Variants in KIRREL1 observed in about 807,000 individuals in gnomAD.
The protein encoded by KIRREL1 is kirre like nephrin family adhesion molecule 1.
KIRREL1 carries 25 observed loss-of-function variants against 83.3 expected under a neutral mutation model. That is an observed-to-expected ratio of 0.30 (90% CI 0.22 to 0.42). The LOEUF (loss-of-function observed/expected upper bound fraction) is 0.42, where lower values mean the gene tolerates loss of function less well. Ranked by LOEUF, KIRREL1 falls within the 10% of genes least tolerant of loss-of-function variation. The probability of loss-of-function intolerance (pLI) is 1.00; values close to 1 mark genes in which losing one functional copy is unlikely to be tolerated. For missense variants in KIRREL1, 812 were observed against 1,032.3 expected, an observed-to-expected ratio of 0.79 and a Z score of 2.92; for synonymous variants, 388 against 410.4, an observed-to-expected ratio of 0.95 and a Z score of 0.66.
At chr1:158,064,525 T>C (rs376919936) in intron 1 of KIRREL1, among the ~76,000 whole-genome samples, 44 of 152,234 alleles carry the variant, frequency 2.9e-4, no homozygotes, top group African/African-American at 1.0e-3. Context: ...GAATCCTAAA[T>C]ATTACCTAGA....
chr1:158,038,207 A>G (rs577933946), intron 1 of KIRREL1, among the ~76,000 whole-genome samples: 10 of 152,302 alleles, frequency 6.6e-5, no homozygotes, highest in African/African-American at 2.2e-4. Flanking sequence ...AGTCCTGTGC[A>G]TTCATCCGTT....
rs185636410 is a variant in KIRREL1, at chr1:158,031,775, G to C, written c.52+38047G>C. Among the ~76,000 whole-genome samples the C allele has an allele frequency of 2.2e-3, 339 of 152,280 alleles. 6 individuals carry two copies. The highest frequency in any genetic ancestry group is 2.1e-3 in the Non-Finnish European group (145 of 68,012). On this transcript the variant is annotated intron_variant, in intron 1 of 14. Transcript: ENST00000359209. Reference sequence around the variant, plus strand: ...CTTGGAGGGATAGATAAAGAAGATTGAAAAGTCTTCTAAAAATGGACAGAT... The same window carrying C: ...CTTGGAGGGATAGATAAAGAAGATTCAAAAGTCTTCTAAAAATGGACAGAT...
Position 157,999,451 on chromosome 1 carries a change from T to A in KIRREL1, c.52+5723T>A, listed in dbSNP as rs549949723. On this transcript the variant is annotated intron_variant, in intron 1 of 14. Transcript: ENST00000359209. ...GTAGGCAGGAGAGTTGTTTCTCCAT[T>A]TAATAGATGAGAAAACAGAGACCTA... 3.3e-5 allele frequency among the ~76,000 whole-genome samples: 5 copies of A among 152,266 alleles called. No homozygotes were observed. The East Asian group carries it at 9.7e-4, about 29-fold the overall frequency.
At chr1:158,047,797 T>C (rs1396725587) in intron 1 of KIRREL1, among the ~76,000 whole-genome samples, 1 of 152,164 alleles carries the variant, frequency 6.6e-6, no homozygotes, top group Non-Finnish European at 1.5e-5. Flanking sequence ...TGTGAAATGC[T>C]GACTATAATT....
At chr1:157,994,868 C>T (rs1189106463) in intron 1 of KIRREL1, among the ~76,000 whole-genome samples, 1 of 152,170 alleles carries the variant, frequency 6.6e-6, no homozygotes, top group East Asian at 1.9e-4. Context: ...AGACAGATTC[C>T]TCCCCCAGAT....
intron 1 of KIRREL1, among the ~76,000 whole-genome samples, chr1:158,037,112 G>A (rs946975885): frequency 6.6e-6 from 1 of 152,198 alleles, no homozygotes; most frequent in Non-Finnish European, 1.5e-5. Context: ...TCCAGATTTG[G>A]AGTCCTGGAC....
In KIRREL1 at chr1:158,096,776, A is replaced by T. The variant is rs958513477; in HGVS notation, c.*1656A>T. 1.3e-5 allele frequency: 6 copies of T among 456,718 alleles called. No homozygotes were observed. The Admixed American group carries it at 1.4e-4, about 11-fold the overall frequency. The allele number at this position is 456,718 out of a possible 1,614,324, so 28.3% of individuals were successfully genotyped here. A position where few individuals can be genotyped will look rare whatever the true frequency, so the allele number is the denominator to read the frequency against. On this transcript the variant is annotated 3_prime_UTR_variant, in exon 15 of 15. Coordinates refer to ENST00000359209, the MANE Select transcript of KIRREL1 (RefSeq NM_018240.7). ...CCCCAGCCTCGCCTTCCTAAAAAGC[A>T]GTGTCTGGAGTTGGCTGTTTCCCGC... is the stretch of plus-strand genomic sequence containing the variant.
intron 1 of KIRREL1, among the ~76,000 whole-genome samples, chr1:158,059,073 A>C (rs1661143910): frequency 6.6e-6 from 1 of 152,014 alleles, no homozygotes; most frequent in African/African-American, 2.4e-5. Context: ...CACCCTTCCC[A>C]CTGCATGTTT....
chr1:158,025,585 AAAG>A (rs1345186423), intron 1 of KIRREL1: 1 of 152,656 alleles, frequency 6.6e-6, no homozygotes, highest in East Asian at 1.9e-4. Context: ...ACAGCCAGAG[AAAG>A]AAGAGAGAGA....
intron 1 of KIRREL1, among the ~76,000 whole-genome samples, chr1:158,006,317 T>A (rs1001160387): frequency 2.0e-5 from 3 of 152,168 alleles, no homozygotes; most frequent in African/African-American, 7.2e-5. Context: ...AGCAGGAAGT[T>A]CTTCTTTGTG....
intron 1 of KIRREL1, among the ~76,000 whole-genome samples, chr1:158,034,167 G>A (rs373360183): frequency 1.3e-5 from 2 of 151,420 alleles, no homozygotes; most frequent in Admixed American, 6.6e-5. Flanking sequence ...CAGCTACTCA[G>A]GAGGCTGAGG....
intron 1 of KIRREL1, among the ~76,000 whole-genome samples, chr1:158,014,022 G>T (rs1406052919): frequency 6.6e-6 from 1 of 152,114 alleles, no homozygotes; most frequent in Non-Finnish European, 1.5e-5. Flanking sequence ...TTGCTGTCAT[G>T]GCAACCAGGG....
intron 1 of KIRREL1, among the ~76,000 whole-genome samples, chr1:158,010,148 G>T (rs1659631886): frequency 6.6e-6 from 1 of 152,012 alleles, no homozygotes; most frequent in Non-Finnish European, 1.5e-5. Flanking sequence ...CCCAAATGAG[G>T]CCCTGGATCT....
At chr1:158,069,103 C>G (rs545971417) in intron 1 of KIRREL1, among the ~76,000 whole-genome samples, 6 of 152,128 alleles carry the variant, frequency 3.9e-5, no homozygotes, top group Non-Finnish European at 7.4e-5. Context: ...TCTCTGGTTC[C>G]GGGCTGGCCT....
rs1039124707 is a variant in KIRREL1, at chr1:157,993,736, C to T, written c.52+8C>T. On this transcript the variant is annotated splice_region_variant and intron_variant, in intron 1 of 14. Transcript: ENST00000359209. ...CCGATACTTTCTCCCAAGGTAAGGG[C>T]CCCCAGCCCACCCCCGGACGCTCGG... The T allele has an allele frequency of 3.4e-6, 5 of 1,484,110 alleles. No homozygotes were observed. In the South Asian group the frequency reaches 3.9e-5, roughly 12 times the overall value. The allele number at this position is 1,484,110 out of a possible 1,614,324, so 91.9% of individuals were successfully genotyped here.
At chr1:157,995,830 G>A (rs1433243125) in intron 1 of KIRREL1, among the ~76,000 whole-genome samples, 1 of 151,844 alleles carries the variant, frequency 6.6e-6, no homozygotes, top group Non-Finnish European at 1.5e-5. Flanking sequence ...AAGAAAGGGA[G>A]AGACTAGACA....
intron 11 of KIRREL1, among the ~76,000 whole-genome samples, chr1:158,092,875 G>A: frequency 6.6e-6 from 1 of 152,198 alleles, no homozygotes; most frequent in Non-Finnish European, 1.5e-5. Flanking sequence ...AACTGTTGGA[G>A]CCCTGAGTAG....
At chr1:158,076,422 C>G (rs912858240) in intron 2 of KIRREL1, among the ~76,000 whole-genome samples, 160 bp downstream of exon 2, 4 of 152,240 alleles carry the variant, frequency 2.6e-5, no homozygotes, top group African/African-American at 9.6e-5. Context: ...ATTTCTACAG[C>G]TTTCCCACCC....
At chr1:158,086,368 A>G (rs1662012468) in intron 4 of KIRREL1, among the ~76,000 whole-genome samples, 1 of 152,078 alleles carries the variant, frequency 6.6e-6, no homozygotes. Flanking sequence ...CAACATAGCA[A>G]GACCCTAAAA....
Sources: allele counts gnomAD v4.1 joint callset (sites outside exome capture counted in the v4.1 genomes callset), GRCh38; gene constraint gnomAD v4.1.1; transcripts MANE v1.5; gene names NCBI Gene and HGNC (gene_info 2026-07-23, HGNC 2026-07-21).